The following SH2B2 variants were observed in gnomAD, a reference collection of about 807,000 sequenced individuals.
SH2B2 encodes SH2B adaptor protein 2, also known as SH2B adapter protein 2.
In SH2B2, 37 loss-of-function variants were observed where a neutral mutation model predicts 35.7. The observed-to-expected ratio is 1.04, with a 90% CI of 0.80 to 1.36. The LOEUF is 1.36. SH2B2 is among the 40% of genes most tolerant of loss of function. SH2B2 has a pLI of 0.00. For synonymous variants in SH2B2, 383 were observed against 376.4 expected (o/e 1.02, Z -0.20); for missense variants, 852 against 817.7 (o/e 1.04, Z -0.51).
At chr7:102,298,946 A>T (rs1266010647) in intron 1 of SH2B2, among the ~76,000 whole-genome samples, 3 of 98,638 alleles carry the variant, frequency 3.0e-5, no homozygotes, top group Admixed American at 1.5e-4. Context: ...TTTGAGATGG[A>T]GTCTCGCTCT....
At chr7:102,294,597 G>A (rs570534784) in intron 1 of SH2B2, among the ~76,000 whole-genome samples, 3 of 152,236 alleles carry the variant, frequency 2.0e-5, no homozygotes, top group Admixed American at 6.5e-5. Flanking sequence ...ACGGGGTCAC[G>A]TCTTGAGCCC....
chr7:102,288,193 A>C (rs115112965), intron 1 of SH2B2, among the ~76,000 whole-genome samples: 1 of 151,974 alleles, frequency 6.6e-6, no homozygotes, highest in Non-Finnish European at 1.5e-5. Context: ...TGAAGCCCCC[A>C]CTACTGTGTC....
rs1586605111 is a variant in SH2B2, at chr7:102,317,399, AGT to A, written c.1395+10_1395+11del. The A allele has an allele frequency of 6.4e-7, 1 of 1,565,838 alleles. No homozygotes were observed. Among genetic ancestry groups the A allele is most frequent in the Non-Finnish European group, 8.7e-7 (1 of 1,148,540 alleles). ...CAACTTCCAGGGCAAGGCCAAGGCA[AGT>A]GTGTGGGGGGCGCCATGGGGGTGCA... On this transcript the variant is annotated splice_donor_5th_base_variant and intron_variant, in intron 7 of 8. Transcript: ENST00000444095.
chr7:102,317,178 CCACCT>C lies in SH2B2; in HGVS notation c.1187-6_1187-2del. ...CCCCATGTTCCTCACACTGTCATCC[CCACCT>C]CAGGGGAACAGGGTGCAGAGACGGA... is the stretch of plus-strand genomic sequence containing the variant. On this transcript the variant is annotated splice_polypyrimidine_tract_variant and splice_region_variant and intron_variant, in intron 6 of 8. Transcript: ENST00000444095. 6.3e-7 allele frequency: 1 copy of C among 1,579,430 alleles called. No individual in the cohort carries two copies. The highest frequency in any genetic ancestry group is 8.6e-7 in the Non-Finnish European group (1 of 1,159,456).
intron 1 of SH2B2, among the ~76,000 whole-genome samples, chr7:102,298,430 G>T (rs1030570511): frequency 6.8e-6 from 1 of 147,398 alleles, no homozygotes; most frequent in Non-Finnish European, 1.5e-5. Flanking sequence ...CAGATTGGTT[G>T]TTGTTGTTGT....
chr7:102,304,410 C>T (rs1554554490), intron 2 of SH2B2, among the ~76,000 whole-genome samples: 1 of 152,196 alleles, frequency 6.6e-6, no homozygotes, highest in Non-Finnish European at 1.5e-5. Flanking sequence ...TGAGGCCGGC[C>T]CCCCGCCATT....
At chr7:102,288,609 A>T (rs2132886602) in intron 1 of SH2B2, among the ~76,000 whole-genome samples, 1 of 152,060 alleles carries the variant, frequency 6.6e-6, no homozygotes, top group East Asian at 1.9e-4. Flanking sequence ...CTATACAAAT[A>T]CCCAGGGGTG....
chr7:102,310,361 C>A (rs75684221), intron 4 of SH2B2, among the ~76,000 whole-genome samples: 307 of 152,236 alleles, frequency 2.0e-3, no homozygotes, highest in African/African-American at 7.2e-3. Context: ...TGTACAAGCA[C>A]CTGGGACTCG....
At chr7:102,305,438 G>T (rs1793356371) in intron 2 of SH2B2, among the ~76,000 whole-genome samples, 2 of 151,886 alleles carry the variant, frequency 1.3e-5, no homozygotes, top group Admixed American at 6.6e-5. Flanking sequence ...GCTAATTTTT[G>T]TATTTCTAGT....
At chr7:102,288,804 A>G (rs1792557657) in intron 1 of SH2B2, among the ~76,000 whole-genome samples, 1 of 152,064 alleles carries the variant, frequency 6.6e-6, no homozygotes, top group Admixed American at 6.5e-5. Flanking sequence ...TAGGGAGGGG[A>G]AGTGACTGGC....
intron 7 of SH2B2, among the ~76,000 whole-genome samples, 190 bp from the exon 8 acceptor site, chr7:102,320,141 T>C (rs1329099294): frequency 2.0e-5 from 3 of 152,120 alleles, no homozygotes; most frequent in African/African-American, 7.2e-5. Context: ...GCCTGATGCC[T>C]TCCATCTCAG....
At chr7:102,317,685 A>C (rs1793904279) in intron 7 of SH2B2, among the ~76,000 whole-genome samples, 1 of 152,064 alleles carries the variant, frequency 6.6e-6, no homozygotes. Context: ...CTAATAACCC[A>C]AATTTGCAAA....
rs1479478909 is a variant in SH2B2 at position 102,300,913 on chromosome 7, G to C, written c.363G>C (p.Val121=). The stretch of plus-strand genomic sequence containing the variant: ...GCCACTCGCGGAGCTCGGAGGACGT[G>C]TCCACGCACGCGGCCACCAAGGCCC... The part of the protein sequence containing the change: ...PYGHSRSSED[V]STHAATKARV... Residue 121 remains valine (V), a synonymous_variant, in exon 2 of 9, where the codon GTG becomes GTC. Transcript: ENST00000444095. 1.3e-6 allele frequency: 2 copies of C among 1,484,824 alleles called. No homozygotes were observed. The highest frequency in any genetic ancestry group is 4.8e-5 in the Admixed American group (2 of 41,562). 92.0% of individuals were successfully genotyped at this position (1,484,824 alleles called of 1,614,324 possible).
At chr7:102,301,567 T>TGTGTGTGTGTGTGTGTGCGC (rs1793196609) in intron 2 of SH2B2, among the ~76,000 whole-genome samples, 1 of 143,878 alleles carries the variant, frequency 7.0e-6, no homozygotes, top group African/African-American at 2.9e-5. Flanking sequence ...TCCGTGTGTG[T>TGTGTGTGTGTGTGTGTGCGC]GTGTGTGTGT....
In SH2B2 at chr7:102,297,713, G is replaced by A. The variant is rs887835309; in HGVS notation, c.-29-2809G>A. Among the ~76,000 whole-genome samples the A allele has an allele frequency of 4.6e-5, 7 of 151,928 alleles. No homozygotes were observed. The highest frequency in any genetic ancestry group is 1.5e-4 in the African/African-American group (6 of 41,338). On this transcript the variant is annotated intron_variant, in intron 1 of 8. Transcript: ENST00000444095. This position sits in a 1 kb window ranked among gnomAD's most constrained non-coding sequence, Gnocchi z 4.3. ...TTCATTCAGTCAGTGTTTCCCAAGC[G>A]CCTGCTGTATGCCCAGCACTGAGGA...
chr7:102,311,349 G>A (rs1793611698), intron 4 of SH2B2, among the ~76,000 whole-genome samples: 1 of 151,856 alleles, frequency 6.6e-6, no homozygotes. Flanking sequence ...CCACCTCGCA[G>A]GTTCAAGCAA....
intron 3 of SH2B2, among the ~76,000 whole-genome samples, chr7:102,308,610 G>A (rs574545864): frequency 5.3e-4 from 81 of 152,332 alleles, no homozygotes; most frequent in Non-Finnish European, 1.1e-3. Flanking sequence ...CCAGAAGGGA[G>A]GGAATACAGA....
At chr7:102,315,756 A>AG (rs1793804224) in intron 6 of SH2B2, among the ~76,000 whole-genome samples, 1 of 149,562 alleles carries the variant, frequency 6.7e-6, no homozygotes, top group East Asian at 2.0e-4. Context: ...AAAAAAAAAA[A>AG]AAAAAAGAAA....
intron 1 of SH2B2, among the ~76,000 whole-genome samples, chr7:102,298,473 C>G (rs972032835): frequency 6.6e-6 from 1 of 152,168 alleles, no homozygotes; most frequent in Non-Finnish European, 1.5e-5. Context: ...GTTGCCCAGG[C>G]TGAAGTACAG....
Sources: allele counts gnomAD v4.1 joint callset (sites outside exome capture counted in the v4.1 genomes callset), GRCh38; gene constraint gnomAD v4.1.1; non-coding constraint Gnocchi (gnomAD v3.1); transcripts MANE v1.5; gene names NCBI Gene and HGNC (gene_info 2026-07-23, HGNC 2026-07-21).